Variants in AMZ1 observed in about 807,000 individuals in gnomAD.
The protein encoded by AMZ1 is archaemetzincin-1.
AMZ1 carries 39 observed loss-of-function variants against 29.9 expected under a neutral mutation model. The ratio of observed to expected loss-of-function variants is 1.30; its 90% CI spans 1.01 to 1.70. The LOEUF (loss-of-function observed/expected upper bound fraction) is 1.70. AMZ1 is among the 40% of genes most tolerant of loss of function. The pLI is 0.00. For synonymous variants in AMZ1, 458 were observed against 304.0 expected, an observed-to-expected ratio of 1.51 and a Z score of -5.27; for missense variants, 1,041 against 680.6, an observed-to-expected ratio of 1.53 and a Z score of -5.89.
chr7:2,736,918 C>T (rs920934194), intron 4 of AMZ1, among the ~76,000 whole-genome samples: 5 of 152,226 alleles, frequency 3.3e-5, no homozygotes, highest in African/African-American at 1.2e-4. Flanking sequence ...GATCATTCAA[C>T]CCTGCACAGG....
chr7:2,742,595 G>A lies in AMZ1; in HGVS notation n.551-22117G>A, dbSNP rs189966874. ...CAAAGTGAAGAAAGCACTGAGTCTC[G>A]CCGGCCCTTTGCGTTTCCATATTAG... On this transcript the variant is annotated intron_variant and non_coding_transcript_variant, in intron 4 of 4. Transcript: ENST00000489665. Among the ~76,000 whole-genome samples the A allele has an allele frequency of 5.3e-5, 8 of 152,226 alleles. No individual in the cohort carries two copies. The East Asian group carries it at 9.7e-4, about 18-fold the overall frequency.
intron 4 of AMZ1, among the ~76,000 whole-genome samples, chr7:2,733,903 C>T (rs544739256): frequency 1.3e-5 from 2 of 152,274 alleles, no homozygotes; most frequent in South Asian, 2.1e-4. Flanking sequence ...TTGCTTCTGT[C>T]GAAGATGGCC....
chr7:2,709,659 G>A lies in AMZ1; in HGVS notation c.791G>A (p.Cys264Tyr), dbSNP rs1159033628. 1 of 1,609,762 alleles carries A rather than the reference G, an allele frequency of 6.2e-7. No individual in the cohort carries two copies. Among genetic ancestry groups the A allele is most frequent in the African/African-American group, 1.3e-5 (1 of 74,832 alleles). ...CCCCAGGTCACGTGCCACGAGCTCT[G>A]CCACCTTCTGGGCCTGGGGAACTGC... ...QCCKVTCHEL[C>Y]HLLGLGNCRW... Residue 264 changes from cysteine to tyrosine, a missense_variant, in exon 6 of 7, where the codon TGC becomes TAC. Coordinates refer to ENST00000683327, the MANE Select transcript of AMZ1 (RefSeq NM_001384743.1).
rs374489806 is a variant in AMZ1 at position 2,689,080 on chromosome 7, G to A, written c.-219+784G>A. Among the ~76,000 whole-genome samples, 34 of 152,336 alleles carry A rather than the reference G, an allele frequency of 2.2e-4. 1 individual carries two copies. The highest frequency in any genetic ancestry group is 8.2e-4 in the African/African-American group (34 of 41,582). ...CCCCCGGTTTTCCCTCCTAGCGAAT[G>A]GAAACTGAGAGGTGAGAAACCCCCA... is the stretch of plus-strand genomic sequence containing the variant. On this transcript the variant is annotated intron_variant, in intron 1 of 6. Coordinates refer to ENST00000683327, the MANE Select transcript of AMZ1 (RefSeq NM_001384743.1).
At chr7:2,697,152 G>A (rs1405504306) in intron 1 of AMZ1, among the ~76,000 whole-genome samples, 1 of 152,166 alleles carries the variant, frequency 6.6e-6, no homozygotes, top group Admixed American at 6.5e-5. Flanking sequence ...GCCCAAGCTG[G>A]AGTGCAATGG....
intron 1 of AMZ1, among the ~76,000 whole-genome samples, chr7:2,693,459 A>G (rs1313622581): frequency 6.6e-6 from 1 of 152,172 alleles, no homozygotes; most frequent in African/African-American, 2.4e-5. Flanking sequence ...AGCTCACTGC[A>G]GCCTTGGACT....
intron 6 of AMZ1, 98 bp downstream of exon 6, chr7:2,709,914 A>G (rs1342917585): frequency 6.7e-7 from 1 of 1,502,766 alleles, no homozygotes; most frequent in Admixed American, 2.1e-5. Context: ...GACCGCACAC[A>G]GGCTTTGTCA....
upstream of AMZ1, chr7:2,762,943 T>C: frequency 7.2e-7 from 1 of 1,380,964 alleles, no homozygotes; most frequent in Non-Finnish European, 9.4e-7. Context: ...GACACTCCCG[T>C]GGGGCCCGTG....
At chr7:2,748,242 C>A (rs1176256213) in intron 4 of AMZ1, among the ~76,000 whole-genome samples, 1 of 151,792 alleles carries the variant, frequency 6.6e-6, no homozygotes, top group African/African-American at 2.4e-5. Context: ...AGGCATCACG[C>A]TACCTGACTT....
At chr7:2,687,216 A>G (rs186835443), upstream of AMZ1, among the ~76,000 whole-genome samples, 9 of 151,996 alleles carry the variant, frequency 5.9e-5, no homozygotes, top group East Asian at 1.8e-3. Flanking sequence ...AATCCCCACT[A>G]CTCAGGCGGC....
At chr7:2,758,582 G>A (rs1791409795) in intron 4 of AMZ1, among the ~76,000 whole-genome samples, 1 of 152,164 alleles carries the variant, frequency 6.6e-6, no homozygotes, top group Non-Finnish European at 1.5e-5. Context: ...TGATCTTGGT[G>A]GGCCTGATCT....
In AMZ1 at chr7:2,708,576, CT is replaced by C; in HGVS notation, c.473-11del. On this transcript the variant is annotated splice_polypyrimidine_tract_variant and intron_variant, in intron 3 of 6. Coordinates refer to ENST00000683327, the MANE Select transcript of AMZ1 (RefSeq NM_001384743.1). ...TGCCTCCTGACCCCATCCTCTGGCC[CT>C]CTCCCCGCAGACGGCATCCTGTCCT... 6.2e-7 allele frequency: 1 copy of C among 1,611,612 alleles called. No individual in the cohort carries two copies. The highest frequency in any genetic ancestry group is 8.5e-7 in the Non-Finnish European group (1 of 1,179,790).
At chr7:2,748,712 C>A (rs1363830478) in intron 4 of AMZ1, among the ~76,000 whole-genome samples, 4 of 152,132 alleles carry the variant, frequency 2.6e-5, no homozygotes, top group African/African-American at 4.8e-5. Context: ...CTACCATCAG[C>A]ATGAACAGGC....
chr7:2,696,625 C>T (rs565117853), intron 1 of AMZ1, among the ~76,000 whole-genome samples: 1 of 151,878 alleles, frequency 6.6e-6, no homozygotes, highest in South Asian at 2.1e-4. Flanking sequence ...TGGCTCATGC[C>T]TGTAATCCCA....
chr7:2,726,923 C>T lies in AMZ1; in HGVS notation n.550+17107C>T, dbSNP rs190124883. On this transcript the variant is annotated intron_variant and non_coding_transcript_variant, in intron 4 of 4. Coordinates refer to the AMZ1 transcript ENST00000489665. ...CTCCACCTGCCATCCCCATGGGCAC[C>T]GCTGGTCTCCAGAGCACGTCAAGGT... is the stretch of plus-strand genomic sequence containing the variant. Among the ~76,000 whole-genome samples the T allele has an allele frequency of 5.4e-3, 820 of 152,274 alleles. 5 individuals are homozygous for T. Among genetic ancestry groups the T allele is most frequent in the Non-Finnish European group, 8.5e-3 (580 of 68,020 alleles).
At position 2,731,164 on chromosome 7, in the gene AMZ1, C is replaced by G. The variant is rs376042551; in HGVS notation, n.550+21348C>G. ...GTGGGGGCTGCTCAACGACGACAAA[C>G]CCCGGGGCTTCCTCGCTCACTGCAG... On this transcript the variant is annotated intron_variant and non_coding_transcript_variant, in intron 4 of 4. Transcript: ENST00000489665. The surrounding 1 kb of genome is among the most constrained non-coding windows in gnomAD (Gnocchi z 6.0). The G allele has an allele frequency of 1.9e-6, 3 of 1,578,170 alleles. No individual in the cohort carries two copies. The highest frequency in any genetic ancestry group is 1.7e-4 in the Middle Eastern group (1 of 5,910).
downstream of AMZ1, among the ~76,000 whole-genome samples, chr7:2,721,276 A>T (rs192277559): frequency 6.6e-6 from 1 of 151,898 alleles, no homozygotes; most frequent in East Asian, 1.9e-4. Context: ...CGCTCACCTC[A>T]CTCTCCTGCC....
At position 2,709,645 on chromosome 7, in the gene AMZ1, G is replaced by T. The variant is rs777299173; in HGVS notation, c.777G>T (p.Thr259=). 1.1e-5 allele frequency: 17 copies of T among 1,608,214 alleles called. No individual in the cohort carries two copies. The highest frequency in any genetic ancestry group is 9.4e-5 in the African/African-American group (7 of 74,796). Residue 259 remains threonine, a synonymous_variant, in exon 6 of 7, where the codon ACG becomes ACT. Transcript: ENST00000683327. ...ALGMVQCCKV[T]CHELCHLLGL... The stretch of plus-strand genomic sequence containing the variant: ...CTTGGTGGCCTTCCCCCCAGGTCAC[G>T]TGCCACGAGCTCTGCCACCTTCTGG...
At chr7:2,710,099 C>T (rs954235058) in intron 6 of AMZ1, among the ~76,000 whole-genome samples, 1 of 152,226 alleles carries the variant, frequency 6.6e-6, no homozygotes, top group African/African-American at 2.4e-5. Context: ...TCAGGAAGAG[C>T]TGGCATTGGA....
Sources: allele counts gnomAD v4.1 joint callset (sites outside exome capture counted in the v4.1 genomes callset), GRCh38; gene constraint gnomAD v4.1.1; non-coding constraint Gnocchi (gnomAD v3.1); transcripts MANE v1.5; gene names NCBI Gene and HGNC (gene_info 2026-07-23, HGNC 2026-07-21).